DEPTOR: variants seen among roughly 807,000 people sequenced by gnomAD.
The protein encoded by DEPTOR is DEP domain containing MTOR interacting protein.
Under a neutral mutation model 41.6 loss-of-function variants are expected in DEPTOR, and 41 were observed. That is an observed-to-expected ratio of 0.98 (90% CI 0.77 to 1.28). The LOEUF (loss-of-function observed/expected upper bound fraction) is 1.28. Ranked by LOEUF, DEPTOR falls within the 50% of genes most tolerant of loss-of-function variation. The probability of loss-of-function intolerance (pLI) is 0.00; values close to 1 mark genes in which losing one functional copy is unlikely to be tolerated. For missense variants in DEPTOR, 514 were observed against 527.9 expected, an observed-to-expected ratio of 0.97 and a Z score of 0.26; for synonymous variants, 195 against 192.3, an observed-to-expected ratio of 1.01 and a Z score of -0.12.
chr8:119,951,072 AACACACAC>A (rs35455263), intron 3 of DEPTOR, among the ~76,000 whole-genome samples: 2 of 141,450 alleles, frequency 1.4e-5, no homozygotes, highest in Non-Finnish European at 3.1e-5. Flanking sequence ...CACACACACA[AACACACAC>A]ACACACACAC....
chr8:119,965,261 A>C lies in DEPTOR; in HGVS notation c.455A>C (p.Gln152Pro), dbSNP rs372461375. The stretch of plus-strand genomic sequence containing the variant: ...ATGAGCCCTGAAAACACACTCCTGC[A>C]GCCCAGGGAGGAGGAAGGGGTCAAG... ...KLMSPENTLL[Q>P]PREEEGVKYE... The change falls in exon 4 of 9, where the codon CAG (glutamine) becomes CCG (proline). Residue 152 changes from glutamine to proline, a missense_variant. Coordinates refer to ENST00000286234, the MANE Select transcript of DEPTOR (RefSeq NM_022783.4). 30 of 1,613,794 alleles carry C rather than the reference A, an allele frequency of 1.9e-5. No individual in the cohort carries two copies. In the East Asian group the frequency reaches 6.5e-4, roughly 35 times the overall value.
At chr8:120,042,028 C>G (rs1465299291) in intron 8 of DEPTOR, among the ~76,000 whole-genome samples, 2 of 152,046 alleles carry the variant, frequency 1.3e-5, no homozygotes, top group East Asian at 3.9e-4. Flanking sequence ...TGATTGATCC[C>G]TTTTCCAAGA....
At chr8:119,979,422 G>A (rs573377798) in intron 4 of DEPTOR, among the ~76,000 whole-genome samples, 106 of 151,840 alleles carry the variant, frequency 7.0e-4, no homozygotes, top group Admixed American at 4.6e-4. Flanking sequence ...GACTATGGGC[G>A]TGGCTAATTT....
intron 8 of DEPTOR, among the ~76,000 whole-genome samples, chr8:120,047,869 AC>A (rs1280000800): frequency 7.4e-6 from 1 of 135,632 alleles, no homozygotes; most frequent in Admixed American, 7.1e-5. Flanking sequence ...AACATGGCGA[AC>A]CCCCTCTCTA....
intron 4 of DEPTOR, among the ~76,000 whole-genome samples, chr8:119,976,443 C>T (rs913211361): frequency 1.3e-5 from 2 of 151,978 alleles, no homozygotes; most frequent in Non-Finnish European, 2.9e-5. Flanking sequence ...CAAAAGTGAC[C>T]ACTTACTGAG....
At chr8:119,893,673 A>G (rs1021778329) in intron 1 of DEPTOR, among the ~76,000 whole-genome samples, 8 of 152,124 alleles carry the variant, frequency 5.3e-5, no homozygotes, top group African/African-American at 1.7e-4. Context: ...TACTAAAAAT[A>G]CAAAAATTAG....
chr8:120,025,097 A>G (rs1812778530), intron 8 of DEPTOR, among the ~76,000 whole-genome samples: 1 of 152,218 alleles, frequency 6.6e-6, no homozygotes, highest in Admixed American at 6.6e-5. Flanking sequence ...TAGTGACAAG[A>G]CAGATATTAA....
At chr8:119,997,513 G>T (rs1254334606) in intron 4 of DEPTOR, among the ~76,000 whole-genome samples, 1 of 152,142 alleles carries the variant, frequency 6.6e-6, no homozygotes, top group Non-Finnish European at 1.5e-5. Flanking sequence ...TGGCATTACA[G>T]GTGTGAGCCA....
At position 119,973,959 on chromosome 8, in the gene DEPTOR, A is replaced by G. The variant is rs73705860; in HGVS notation, c.604+8549A>G. On this transcript the variant is annotated intron_variant, in intron 4 of 8. Transcript: ENST00000286234. ...CATGAAGAGAGAATTTGGGATCTGC[A>G]GCAAAGGAAGCTAGAGGCCACATCC... 7.1e-3 allele frequency among the ~76,000 whole-genome samples: 1,079 copies of G among 152,274 alleles called. 9 individuals carry two copies. Among genetic ancestry groups the G allele is most frequent in the African/African-American group, 0.024 (989 of 41,550 alleles).
At position 119,997,843 on chromosome 8, in the gene DEPTOR, A is replaced by G. The variant is rs1461246412; in HGVS notation, c.605-3682A>G. On this transcript the variant is annotated intron_variant, in intron 4 of 8. Coordinates refer to ENST00000286234, the MANE Select transcript of DEPTOR (RefSeq NM_022783.4). Reference sequence around the variant, plus strand: ...TGATGCTGTTTGTGAAATAGAAAAGAGACTGTTGAACCAGTTAGCATGATT... The same window carrying G: ...TGATGCTGTTTGTGAAATAGAAAAGGGACTGTTGAACCAGTTAGCATGATT... 3.9e-5 allele frequency among the ~76,000 whole-genome samples: 6 copies of G among 152,228 alleles called. No homozygotes were observed. In the South Asian group the frequency reaches 1.0e-3, roughly 26 times the overall value.
chr8:119,968,260 G>A (rs1828587352), intron 4 of DEPTOR, among the ~76,000 whole-genome samples: 1 of 152,034 alleles, frequency 6.6e-6, no homozygotes, highest in African/African-American at 2.4e-5. Flanking sequence ...ACTCTATGAG[G>A]TAGATATTCT....
At chr8:119,987,002 T>G (rs1449858865) in intron 4 of DEPTOR, among the ~76,000 whole-genome samples, 1 of 152,072 alleles carries the variant, frequency 6.6e-6, no homozygotes, top group East Asian at 1.9e-4. Context: ...AGGAGTTTAT[T>G]ATTATCCATC....
rs981508243 is a variant in DEPTOR at position 119,926,778 on chromosome 8, C to G, written c.123-1622C>G. On this transcript the variant is annotated intron_variant, in intron 1 of 8. Transcript: ENST00000286234. The stretch of plus-strand genomic sequence containing the variant: ...TGCTATGTCCTTTCCTTAGCCAATC[C>G]TATAGTATGACTTGACTCTTAAGTT... 1.2e-4 allele frequency among the ~76,000 whole-genome samples: 19 copies of G among 152,092 alleles called. No homozygotes were observed. In the East Asian group the frequency reaches 1.5e-3, roughly 12 times the overall value.
Position 119,875,223 on chromosome 8 carries a change from G to T in DEPTOR, c.122+1255G>T, listed in dbSNP as rs1210624579. Reference sequence around the variant, plus strand: ...GTGAAGAGACCACCGAACAAGTTTTGTGTGAGCAATAAAGCTTTTTAATCA... The same window carrying T: ...GTGAAGAGACCACCGAACAAGTTTTTTGTGAGCAATAAAGCTTTTTAATCA... On this transcript the variant is annotated intron_variant, in intron 1 of 8. Coordinates refer to ENST00000286234, the MANE Select transcript of DEPTOR (RefSeq NM_022783.4). Among the ~76,000 whole-genome samples, 4 of 152,156 alleles carry T rather than the reference G, an allele frequency of 2.6e-5. No homozygotes were observed. The East Asian group carries it at 7.7e-4, about 29-fold the overall frequency.
intron 8 of DEPTOR, among the ~76,000 whole-genome samples, chr8:120,039,253 C>T (rs1813022892): frequency 6.6e-6 from 1 of 152,154 alleles, no homozygotes; most frequent in South Asian, 2.1e-4. Context: ...CACCAGACAC[C>T]TGCCAGCACC....
At chr8:120,038,363 G>A (rs550476725) in intron 8 of DEPTOR, among the ~76,000 whole-genome samples, 28 of 151,970 alleles carry the variant, frequency 1.8e-4, no homozygotes, top group African/African-American at 6.5e-4. Flanking sequence ...ACTTTGGGAG[G>A]CCAAGGCAGG....
intron 4 of DEPTOR, among the ~76,000 whole-genome samples, chr8:119,982,803 C>G (rs1453871278): frequency 6.6e-6 from 1 of 152,162 alleles, no homozygotes; most frequent in Non-Finnish European, 1.5e-5. Flanking sequence ...TGCTTTTTAT[C>G]TGGGAAGGGC....
At chr8:119,945,127 T>C (rs1413835767) in intron 3 of DEPTOR, among the ~76,000 whole-genome samples, 1 of 152,184 alleles carries the variant, frequency 6.6e-6, no homozygotes, top group Non-Finnish European at 1.5e-5. Context: ...TATACATACA[T>C]AGCATATGCC....
intron 8 of DEPTOR, among the ~76,000 whole-genome samples, chr8:120,032,487 C>T (rs1812907423): frequency 6.6e-6 from 1 of 152,124 alleles, no homozygotes; most frequent in Non-Finnish European, 1.5e-5. Flanking sequence ...TCCCAAAGTG[C>T]TGGGATTACA....
Sources: allele counts gnomAD v4.1 joint callset (sites outside exome capture counted in the v4.1 genomes callset), GRCh38; gene constraint gnomAD v4.1.1; transcripts MANE v1.5; gene names NCBI Gene and HGNC (gene_info 2026-07-23, HGNC 2026-07-21).